LRP2: variants seen among roughly 807,000 people sequenced by gnomAD.
LRP2 encodes the protein low-density lipoprotein receptor-related protein 2.
In LRP2, 172 loss-of-function variants were observed where a neutral mutation model predicts 531.0. That is an observed-to-expected ratio of 0.32 (90% CI 0.29 to 0.37). The LOEUF is 0.37. Among genes scored for constraint, LRP2 ranks in the 10% least tolerant of loss-of-function variants. The pLI, the probability that LRP2 is intolerant of heterozygous loss-of-function variation, is 1.00. For missense variants in LRP2, 5,167 were observed against 5,868.3 expected (o/e 0.88, Z 3.90); for synonymous variants, 1,992 against 2,027.6 (o/e 0.98, Z 0.47).
At chr2:169,242,286 A>G (rs1689835593) in intron 24 of LRP2, among the ~76,000 whole-genome samples, 2 of 152,220 alleles carry the variant, frequency 1.3e-5, no homozygotes, top group Non-Finnish European at 2.9e-5. Flanking sequence ...TGGGCAAATA[A>G]CAAATCATGT....
At chr2:169,279,251 A>G in intron 12 of LRP2, 121 bp downstream of exon 12, 1 of 752,150 alleles carries the variant, frequency 1.3e-6, no homozygotes, top group South Asian at 1.5e-5. Context: ...CATGGCTTCT[A>G]GAGTATACAG....
chr2:169,351,764 T>C (rs1388056030), intron 1 of LRP2, among the ~76,000 whole-genome samples: 1 of 152,198 alleles, frequency 6.6e-6, no homozygotes, highest in Non-Finnish European at 1.5e-5. Flanking sequence ...GTTGTGTTTT[T>C]CTCCTGCCAT....
chr2:169,337,467 A>G (rs1685437083), intron 1 of LRP2, among the ~76,000 whole-genome samples: 1 of 152,190 alleles, frequency 6.6e-6, no homozygotes, highest in Non-Finnish European at 1.5e-5. Flanking sequence ...GCCCAAATAC[A>G]GTCAAAGGGC....
intron 29 of LRP2, 137 bp downstream of exon 29, chr2:169,235,703 C>T (rs896416745): frequency 2.8e-6 from 2 of 715,492 alleles, no homozygotes; most frequent in Non-Finnish European, 5.0e-6. Flanking sequence ...CTGCCTCTCA[C>T]TGTTGCTGGT....
intron 19 of LRP2, 28 bp from the exon 20 acceptor site, chr2:169,247,543 T>A: frequency 6.2e-7 from 1 of 1,613,290 alleles, no homozygotes. Flanking sequence ...TAGATTAGTA[T>A]TTTCAGTCAC....
intron 1 of LRP2, among the ~76,000 whole-genome samples, chr2:169,341,880 C>A (rs994677568): frequency 6.6e-6 from 1 of 152,146 alleles, no homozygotes; most frequent in Non-Finnish European, 1.5e-5. Flanking sequence ...CCAATAGCAT[C>A]CCTTTCTGCC....
Position 169,172,053 on chromosome 2 carries a change from T to G in LRP2, c.11225A>C (p.Gln3742Pro), listed in dbSNP as rs1243066925. The G allele has an allele frequency of 1.2e-6, 2 of 1,614,114 alleles. No homozygotes were observed. The highest frequency in any genetic ancestry group is 1.7e-6 in the Non-Finnish European group (2 of 1,180,034). ...ATCTGAGTTATCTCCACAGTCATTT[T>G]GCCCATCACACTGCCAACGAAGAGG... is the stretch of plus-strand genomic sequence containing the variant. ...CIPLRWQCDG[Q>P]NDCGDNSDEE... The change falls in exon 58 of 79, where the codon CAA (glutamine) becomes CCA (proline). Residue 3742 changes from glutamine to proline, a missense_variant. Physicochemically the swap from Gln to Pro is moderately conservative, Grantham distance 76. Coordinates refer to ENST00000649046, the MANE Select transcript of LRP2 (RefSeq NM_004525.3).
At chr2:169,186,062 G>T in intron 49 of LRP2, 43 bp from the exon 50 acceptor site, 2 of 1,558,780 alleles carry the variant, frequency 1.3e-6, no homozygotes, top group South Asian at 2.2e-5. Context: ...AAATATCAAC[G>T]ACCAACTCAC....
chr2:169,207,596 A>G (rs1388457014), intron 38 of LRP2, among the ~76,000 whole-genome samples: 1 of 152,180 alleles, frequency 6.6e-6, no homozygotes, highest in Non-Finnish European at 1.5e-5. Context: ...CCTACTTGAA[A>G]CACTCTAAAT....
At chr2:169,247,010 A>C in intron 20 of LRP2, 24 bp from the exon 21 acceptor site, 1 of 1,613,012 alleles carries the variant, frequency 6.2e-7, no homozygotes, top group Non-Finnish European at 8.5e-7. Flanking sequence ...GCCCCGAGGG[A>C]GTCAGTCATG....
rs1397710797 is a variant in LRP2 at position 169,207,208 on chromosome 2, A to C, written c.6512T>G (p.Ile2171Arg). The C allele has an allele frequency of 6.2e-7, 1 of 1,614,162 alleles. No homozygotes were observed. Residue 2171 changes from isoleucine (I) to arginine (R), a missense_variant, in exon 39 of 79, where the codon ATA becomes AGA. Physicochemically the swap from Ile to Arg is moderately conservative, Grantham distance 97. Transcript: ENST00000649046. ...AGTAGTATTGATCCGCAGAACTTCTATCAGTGTTTCAGAAACAAAGGCATT... is the reference window on the plus strand; with the variant it reads ...AGTAGTATTGATCCGCAGAACTTCTCTCAGTGTTTCAGAAACAAAGGCATT... ...FTNAFVSETL[I>R]EVLRINTTYR...
At chr2:169,243,581 C>G in intron 22 of LRP2, 59 bp from the exon 23 acceptor site, 1 of 1,609,572 alleles carries the variant, frequency 6.2e-7, no homozygotes, top group Non-Finnish European at 8.5e-7. Flanking sequence ...AGTACCAGAG[C>G]CAAACTAAAA....
At chr2:169,296,059 C>T (rs1198462217) in intron 4 of LRP2, among the ~76,000 whole-genome samples, 2 of 151,970 alleles carry the variant, frequency 1.3e-5, no homozygotes, top group East Asian at 1.9e-4. Context: ...CAAGCAGAAG[C>T]CATGCACAAA....
At chr2:169,305,910 T>C (rs1271105823) in intron 4 of LRP2, among the ~76,000 whole-genome samples, 1 of 152,148 alleles carries the variant, frequency 6.6e-6, no homozygotes, top group African/African-American at 2.4e-5. Context: ...TTCAGGTTTG[T>C]AGCCTAGGAG....
At chr2:169,175,415 T>C in intron 54 of LRP2, 26 bp from the exon 55 acceptor site, 2 of 1,609,364 alleles carry the variant, frequency 1.2e-6, no homozygotes, top group South Asian at 1.1e-5. Flanking sequence ...ACAGCACTTC[T>C]TTAGCAAAGC....
intron 25 of LRP2, chr2:169,240,716 C>T: frequency 3.6e-6 from 2 of 562,886 alleles, no homozygotes; most frequent in East Asian, 5.6e-5. Flanking sequence ...TTTAATTTGA[C>T]AATCTAATGG....
rs549236651 is a variant in LRP2 at position 169,186,889 on chromosome 2, G to A, written c.9329-870C>T. 4.6e-5 allele frequency among the ~76,000 whole-genome samples: 7 copies of A among 152,264 alleles called. No homozygotes were observed. In the South Asian group the frequency reaches 1.5e-3, roughly 32 times the overall value. ...AAGGCAAAATTAATTAAAATGCAAT[G>A]GGAATCTATATGAATTAGGAGTAAA... On this transcript the variant is annotated intron_variant, in intron 49 of 78. Transcript: ENST00000649046.
At chr2:169,228,280 C>T (rs1012941866) in intron 31 of LRP2, among the ~76,000 whole-genome samples, 2 of 148,500 alleles carry the variant, frequency 1.3e-5, no homozygotes, top group Admixed American at 1.3e-4. Context: ...TATCAAATTA[C>T]CACTCATTTC....
chr2:169,130,176 C>T (rs1025917723), intron 77 of LRP2, among the ~76,000 whole-genome samples: 3 of 152,144 alleles, frequency 2.0e-5, no homozygotes, highest in African/African-American at 7.2e-5. Flanking sequence ...AAATGGCTAA[C>T]TTGAAGTTAA....
Sources: gnomAD v4.1 joint callset for allele counts (sites outside exome capture counted in the v4.1 genomes callset) on GRCh38, gnomAD v4.1.1 for gene constraint, MANE v1.5 for transcripts, NCBI Gene and HGNC (gene_info 2026-07-23, HGNC 2026-07-21) for gene names.